MEF2A: variants seen among roughly 807,000 people sequenced by gnomAD.
The protein encoded by MEF2A is myocyte-specific enhancer factor 2A.
Under a neutral mutation model 55.8 loss-of-function variants are expected in MEF2A, and 28 were observed. The observed-to-expected ratio is 0.50, with a 90% CI of 0.37 to 0.69. The LOEUF is 0.69. MEF2A is among the 30% of genes least tolerant of loss of function. MEF2A has a pLI of 0.00. For missense variants in MEF2A, 528 were observed against 626.2 expected, an observed-to-expected ratio of 0.84 and a Z score of 1.67; for synonymous variants, 239 against 227.1, an observed-to-expected ratio of 1.05 and a Z score of -0.47.
intron 11 of MEF2A, 48 bp downstream of exon 11, chr15:99,710,808 C>T (rs1489145487): frequency 3.2e-6 from 5 of 1,566,516 alleles, no homozygotes; most frequent in Non-Finnish European, 4.4e-6. Context: ...GGCCTACACA[C>T]TCTCTTTTCC....
intron 2 of MEF2A, among the ~76,000 whole-genome samples, chr15:99,608,664 C>T (rs929287311): frequency 2.0e-5 from 3 of 152,028 alleles, no homozygotes; most frequent in South Asian, 2.1e-4. Flanking sequence ...TTTGGGAGGC[C>T]GAGGTGGGTG....
Position 99,712,530 on chromosome 15 carries a change from AGCAG to A in MEF2A, c.1278_1281del (p.Gln426HisfsTer30). On this transcript the variant is annotated frameshift_variant, in exon 12 of 12. Transcript: ENST00000557942. LOFTEE classifies it high-confidence loss of function. This position sits in a 1 kb window ranked among gnomAD's most constrained non-coding sequence, Gnocchi z 4.1. The stretch of plus-strand genomic sequence containing the variant: ...CAGCAGCAGCAGCAGCAGCAGCAGC[AGCAG>A]CAGCCGCCGCCACCACCGCAGCCCC... 6.5e-7 allele frequency: 1 copy of A among 1,546,222 alleles called. No homozygotes were observed. The highest frequency in any genetic ancestry group is 8.7e-7 in the Non-Finnish European group (1 of 1,144,444).
At chr15:99,709,986 G>A (rs892542945) in intron 10 of MEF2A, among the ~76,000 whole-genome samples, 3 of 152,126 alleles carry the variant, frequency 2.0e-5, no homozygotes, top group African/African-American at 4.8e-5. Context: ...CCAACCCCTT[G>A]CTTCATTAAG....
At chr15:99,700,852 A>G (rs946628004) in intron 8 of MEF2A, among the ~76,000 whole-genome samples, 11 of 152,214 alleles carry the variant, frequency 7.2e-5, no homozygotes, top group African/African-American at 2.7e-4. Flanking sequence ...ATAGTATTGG[A>G]TTATAGCCCA....
Position 99,674,536 on chromosome 15 carries a change from C to T in MEF2A, c.534C>T (p.Leu178=). The T allele has an allele frequency of 6.2e-7, 1 of 1,613,968 alleles. No individual in the cohort carries two copies. Among genetic ancestry groups the T allele is most frequent in the South Asian group, 1.1e-5 (1 of 91,082 alleles). The change falls in exon 6 of 12, where the codon CTC becomes CTT. Residue 178 remains leucine (L), a synonymous_variant. Transcript: ENST00000557942. ...CAACGTTAACAGATTCAAGCATGCT[C>T]TCTCCACCTCAAACCACATTACATA... ...ASSTLTDSSM[L]SPPQTTLHRN...
intron 2 of MEF2A, among the ~76,000 whole-genome samples, chr15:99,631,208 T>C (rs890987005): frequency 6.6e-6 from 1 of 152,240 alleles, no homozygotes; most frequent in Non-Finnish European, 1.5e-5. Context: ...GTATCCATCT[T>C]ACAGCCATTA....
Position 99,712,078 on chromosome 15 carries a change from T to C in MEF2A, c.1137-312T>C, listed in dbSNP as rs930402249. Among the ~76,000 whole-genome samples the C allele has an allele frequency of 5.9e-5, 9 of 152,270 alleles. No homozygotes were observed. The highest frequency in any genetic ancestry group is 1.5e-5 in the Non-Finnish European group (1 of 68,046). On this transcript the variant is annotated intron_variant, in intron 11 of 11. Transcript: ENST00000557942. This position sits in a 1 kb window ranked among gnomAD's most constrained non-coding sequence, Gnocchi z 4.1. Reference sequence around the variant, plus strand: ...TGAGCAGATGAGGCTGCTGTTCCTCTGTCTTTCTGGTCCCTGCACAGCATT... The same window carrying C: ...TGAGCAGATGAGGCTGCTGTTCCTCCGTCTTTCTGGTCCCTGCACAGCATT...
At chr15:99,566,865 CAG>C (rs1269159676) in intron 1 of MEF2A, among the ~76,000 whole-genome samples, 3 of 152,176 alleles carry the variant, frequency 2.0e-5, no homozygotes, top group Non-Finnish European at 2.9e-5. Flanking sequence ...GTCGCGGGGA[CAG>C]AGGGGCTGCA....
chr15:99,700,672 G>A (rs576696755), intron 8 of MEF2A, among the ~76,000 whole-genome samples: 1 of 152,180 alleles, frequency 6.6e-6, no homozygotes, highest in Non-Finnish European at 1.5e-5. Flanking sequence ...CTAATACAAG[G>A]ACTCAGGGCT....
intron 2 of MEF2A, among the ~76,000 whole-genome samples, chr15:99,615,962 T>C (rs1321903700): frequency 3.3e-5 from 5 of 152,166 alleles, no homozygotes; most frequent in Admixed American, 6.5e-5. Flanking sequence ...GGAACTTGGA[T>C]TCAAAATGGA....
At chr15:99,694,567 G>A (rs2056119181) in intron 8 of MEF2A, among the ~76,000 whole-genome samples, 1 of 152,202 alleles carries the variant, frequency 6.6e-6, no homozygotes, top group South Asian at 2.1e-4. Context: ...TGACCAACCT[G>A]TATCGTCATA....
At chr15:99,666,035 CT>C (rs1362113275) in intron 4 of MEF2A, among the ~76,000 whole-genome samples, 2 of 152,240 alleles carry the variant, frequency 1.3e-5, no homozygotes, top group African/African-American at 4.8e-5. Flanking sequence ...GTGGTGATTC[CT>C]CAAGGATCTA....
intron 7 of MEF2A, chr15:99,678,743 A>G: frequency 1.1e-6 from 1 of 902,436 alleles, no homozygotes; most frequent in Non-Finnish European, 1.3e-6. Context: ...GAAACCAAAG[A>G]AAGTCTAATG....
At chr15:99,605,647 C>T (rs1436352042) in intron 2 of MEF2A, among the ~76,000 whole-genome samples, 1 of 149,124 alleles carries the variant, frequency 6.7e-6, no homozygotes, top group Non-Finnish European at 1.5e-5. Flanking sequence ...AGGAGCTTTA[C>T]AGTACTTTTT....
intron 1 of MEF2A, among the ~76,000 whole-genome samples, chr15:99,585,904 T>C (rs1967068971): frequency 6.6e-6 from 1 of 152,170 alleles, no homozygotes; most frequent in African/African-American, 2.4e-5. Flanking sequence ...TTCGGTGGTA[T>C]CTTAAAAATT....
At chr15:99,651,398 TC>T (rs1430305730) in intron 4 of MEF2A, among the ~76,000 whole-genome samples, 1 of 152,158 alleles carries the variant, frequency 6.6e-6, no homozygotes, top group Non-Finnish European at 1.5e-5. Flanking sequence ...TCCTCTTTTC[TC>T]CCCATGTTAT....
chr15:99,616,945 C>CT (rs1487894703), intron 2 of MEF2A, among the ~76,000 whole-genome samples: 1 of 152,128 alleles, frequency 6.6e-6, no homozygotes, highest in African/African-American at 2.4e-5. Context: ...TTGAAGCAGT[C>CT]TTATAAGGTG....
chr15:99,689,599 G>A (rs1231574090), intron 7 of MEF2A, among the ~76,000 whole-genome samples: 2 of 152,128 alleles, frequency 1.3e-5, no homozygotes, highest in East Asian at 1.9e-4. Context: ...TCCTGCCTCA[G>A]CCTCCTGAGT....
At chr15:99,675,705 G>C (rs1056238184) in intron 7 of MEF2A, among the ~76,000 whole-genome samples, 5 of 152,132 alleles carry the variant, frequency 3.3e-5, no homozygotes, top group Non-Finnish European at 4.4e-5. Context: ...GAAAAGAAAT[G>C]GTGGGTCTAT....
Sources: gnomAD v4.1 joint callset for allele counts (sites outside exome capture counted in the v4.1 genomes callset) on GRCh38, gnomAD v4.1.1 for gene constraint, Gnocchi (gnomAD v3.1) non-coding constraint, MANE v1.5 for transcripts, NCBI Gene and HGNC (gene_info 2026-07-23, HGNC 2026-07-21) for gene names.